LMBR1: variants seen among roughly 807,000 people sequenced by gnomAD.
LMBR1 encodes the protein limb region 1 protein homolog.
In LMBR1, 52 loss-of-function variants were observed where a neutral mutation model predicts 73.9. The observed-to-expected ratio is 0.70, with a 90% confidence interval of 0.56 to 0.89. LMBR1 has a LOEUF of 0.89. Among genes scored for constraint, LMBR1 ranks in the 40% least tolerant of loss-of-function variants. LMBR1 has a pLI of 0.00. For missense variants in LMBR1, 539 were observed against 579.8 expected (o/e 0.93, Z 0.72); for synonymous variants, 215 against 209.4 (o/e 1.03, Z -0.23).
At position 156,671,883 on chromosome 7, in the gene LMBR1, C is replaced by T. The variant is rs181636351; in HGVS notation, n.867-2596G>A. Among the ~76,000 whole-genome samples, 4 of 152,138 alleles carry T rather than the reference C, an allele frequency of 2.6e-5. No individual in the cohort carries two copies. The East Asian group carries it at 5.8e-4, about 22-fold the overall frequency. ...GAACTATCTCACGTTTGAAAATAAA[C>T]GGTTCTAAATAACGTATTAATCGAA... On this transcript the variant is annotated intron_variant and non_coding_transcript_variant, in intron 4 of 4. Transcript: ENST00000430825.
At chr7:156,822,254 C>T (rs1487268275) in intron 4 of LMBR1, 2 of 152,148 alleles carry the variant, frequency 1.3e-5, no homozygotes, top group Non-Finnish European at 1.5e-5. Flanking sequence ...TCTTGGCCAC[C>T]AGGCAATAGA....
At chr7:156,738,837 T>C (rs553155848) in intron 9 of LMBR1, among the ~76,000 whole-genome samples, 1 of 152,226 alleles carries the variant, frequency 6.6e-6, no homozygotes, top group Non-Finnish European at 1.5e-5. Context: ...TAGTATGCCA[T>C]GGGCCTTGCT....
At chr7:156,840,964 CAAAAAAAAAAAA>C (rs57968006) in intron 1 of LMBR1, among the ~76,000 whole-genome samples, 3,927 of 71,448 alleles carry the variant, frequency 0.055, 210 homozygotes, top group African/African-American at 0.18. Context: ...GACTCGGTCT[CAAAAAAAAAAAA>C]AAAAAAAAGA....
intron 5 of LMBR1, among the ~76,000 whole-genome samples, chr7:156,775,280 A>G (rs1563331289): frequency 6.6e-6 from 1 of 152,274 alleles, no homozygotes; most frequent in Non-Finnish European, 1.5e-5. Context: ...AGGCAGGAGA[A>G]TCACTTGAAC....
At chr7:156,750,655 C>T (rs1820707237) in intron 9 of LMBR1, among the ~76,000 whole-genome samples, 1 of 152,204 alleles carries the variant, frequency 6.6e-6, no homozygotes, top group Non-Finnish European at 1.5e-5. Flanking sequence ...AACTCTCCAT[C>T]ATGTGCGTTT....
At chr7:156,793,351 T>C (rs533090103) in intron 5 of LMBR1, among the ~76,000 whole-genome samples, 1 of 152,354 alleles carries the variant, frequency 6.6e-6, no homozygotes, top group Admixed American at 6.5e-5. Flanking sequence ...CCAACTTTCA[T>C]GTGACTGATT....
At chr7:156,852,991 T>C (rs903098254) in intron 1 of LMBR1, among the ~76,000 whole-genome samples, 2 of 150,426 alleles carry the variant, frequency 1.3e-5, no homozygotes, top group Non-Finnish European at 3.0e-5. Context: ...CAGGCTGGAG[T>C]GCAGTGGCCC....
chr7:156,751,841 C>T (rs529965849), intron 9 of LMBR1, among the ~76,000 whole-genome samples: 2 of 152,294 alleles, frequency 1.3e-5, no homozygotes, highest in South Asian at 4.1e-4. Flanking sequence ...TTACTTTGGA[C>T]ATATGTTTAA....
intron 1 of LMBR1, among the ~76,000 whole-genome samples, chr7:156,863,063 T>C (rs1414107519): frequency 3.9e-5 from 6 of 152,226 alleles, no homozygotes; most frequent in East Asian, 3.9e-4. Context: ...AGAACCCTAA[T>C]TGCATTGGTC....
intron 5 of LMBR1, among the ~76,000 whole-genome samples, chr7:156,776,169 T>C (rs186217641): frequency 1.4e-4 from 21 of 151,472 alleles, no homozygotes; most frequent in African/African-American, 3.9e-4. Flanking sequence ...GTAAACACAA[T>C]GTAATGGTTC....
chr7:156,681,636 G>T lies in LMBR1; in HGVS notation c.*2442C>A, dbSNP rs1361862696. ...AATGCCCTTTAAAATCGATACTAAA[G>T]GAGAGAGAATAAAAGGACTGCTTGA... On this transcript the variant is annotated 3_prime_UTR_variant, in exon 17 of 17. Transcript: ENST00000353442. The T allele has an allele frequency of 2.6e-5, 4 of 152,508 alleles. No homozygotes were observed. Among genetic ancestry groups the T allele is most frequent in the Non-Finnish European group, 5.9e-5 (4 of 68,310 alleles). 9.4% of individuals were successfully genotyped at this position (152,508 alleles called of 1,614,324 possible).
intron 1 of LMBR1, among the ~76,000 whole-genome samples, chr7:156,881,465 T>C (rs1044490252): frequency 6.6e-6 from 1 of 152,106 alleles, no homozygotes; most frequent in Non-Finnish European, 1.5e-5. Flanking sequence ...GCACAGGCAA[T>C]AACAACAAAA....
At chr7:156,750,522 C>T (rs1375659359) in intron 9 of LMBR1, among the ~76,000 whole-genome samples, 2 of 152,156 alleles carry the variant, frequency 1.3e-5, no homozygotes, top group African/African-American at 2.4e-5. Context: ...TGCCTCTCAA[C>T]GTTGGTGTGT....
chr7:156,828,230 A>T (rs1299919236), intron 3 of LMBR1, among the ~76,000 whole-genome samples: 1 of 152,156 alleles, frequency 6.6e-6, no homozygotes, highest in East Asian at 1.9e-4. Flanking sequence ...ACCCCCTCAT[A>T]GCCCAAACAT....
chr7:156,851,088 A>G (rs1487388999), intron 1 of LMBR1, among the ~76,000 whole-genome samples: 1 of 152,164 alleles, frequency 6.6e-6, no homozygotes, highest in African/African-American at 2.4e-5. Context: ...TCTTCAACAG[A>G]AGCAGATGCC....
chr7:156,780,950 A>G (rs528418707), intron 5 of LMBR1, among the ~76,000 whole-genome samples: 2 of 152,298 alleles, frequency 1.3e-5, no homozygotes, highest in South Asian at 2.1e-4. Context: ...CAAACCTATG[A>G]TTTTAGTAAA....
At position 156,866,365 on chromosome 7, in the gene LMBR1, G is replaced by A. The variant is rs75922197; in HGVS notation, c.66+26563C>T. On this transcript the variant is annotated intron_variant, in intron 1 of 16. Coordinates refer to ENST00000353442, the MANE Select transcript of LMBR1 (RefSeq NM_022458.4). ...TTAAAGGCAAAGAGGAGAGGTCTACGTAAGCTATTTTGAAACAAAAATCAT... is the reference window on the plus strand; with the variant it reads ...TTAAAGGCAAAGAGGAGAGGTCTACATAAGCTATTTTGAAACAAAAATCAT... Among the ~76,000 whole-genome samples the A allele has an allele frequency of 5.6e-3, 859 of 152,092 alleles. 11 individuals are homozygous for A. The highest frequency in any genetic ancestry group is 0.019 in the African/African-American group (798 of 41,488).
chr7:156,723,872 A>G (rs1815138978), intron 15 of LMBR1, among the ~76,000 whole-genome samples: 2 of 152,156 alleles, frequency 1.3e-5, no homozygotes, highest in African/African-American at 4.8e-5. Context: ...AACAAAAACC[A>G]GCCCGTTGTT....
intron 4 of LMBR1, among the ~76,000 whole-genome samples, chr7:156,820,581 T>G (rs2133748327): frequency 6.6e-6 from 1 of 152,306 alleles, no homozygotes; most frequent in East Asian, 1.9e-4. Flanking sequence ...CAGTGAAATT[T>G]CTAGGGGTCC....
Sources: gnomAD v4.1 joint callset for allele counts (sites outside exome capture counted in the v4.1 genomes callset) on GRCh38, gnomAD v4.1.1 for gene constraint, MANE v1.5 for transcripts, NCBI Gene and HGNC (gene_info 2026-07-23, HGNC 2026-07-21) for gene names.